Variants in PCDHA3 observed in about 807,000 individuals in gnomAD.
The protein encoded by PCDHA3 is protocadherin alpha 3.
A neutral mutation model predicts 62.2 loss-of-function variants in PCDHA3; 41 were observed. The observed-to-expected ratio is 0.66, with a 90% CI of 0.51 to 0.86. The LOEUF is 0.86. PCDHA3 is among the 40% of genes least tolerant of loss of function. PCDHA3 has a pLI of 0.00. For synonymous variants in PCDHA3, 640 were observed against 555.4 expected, an observed-to-expected ratio of 1.15 and a Z score of -2.14; for missense variants, 1,304 against 1,241.2, an observed-to-expected ratio of 1.05 and a Z score of -0.76.
At chr5:140,961,548 T>G (rs2095620507) in intron 1 of PCDHA3, among the ~76,000 whole-genome samples, 2 of 152,230 alleles carry the variant, frequency 1.3e-5, no homozygotes, top group Non-Finnish European at 2.9e-5. Flanking sequence ...CCTGCAGCAT[T>G]TCTTTTTTTA....
Position 140,801,127 on chromosome 5 carries a change from A to T in PCDHA3, c.-71A>T. The stretch of plus-strand genomic sequence containing the variant: ...ACACCGAGGAGTTTAAGAAATGAAG[A>T]TAAGGAACTCGAATTATTTTTAAAC... On this transcript the variant is annotated 5_prime_UTR_variant, in exon 1 of 4. Transcript: ENST00000522353. 1 of 1,520,548 alleles carries T rather than the reference A, an allele frequency of 6.6e-7. No individual in the cohort carries two copies. Among genetic ancestry groups the T allele is most frequent in the Non-Finnish European group, 8.8e-7 (1 of 1,138,562 alleles). 94.2% of individuals were successfully genotyped at this position (1,520,548 alleles called of 1,614,324 possible). A position where few individuals can be genotyped will look rare whatever the true frequency, so the allele number is the denominator to read the frequency against.
At chr5:140,966,470 T>G (rs782674249) in intron 1 of PCDHA3, 26 of 431,180 alleles carry the variant, frequency 6.0e-5, no homozygotes, top group Non-Finnish European at 9.3e-5. Context: ...TCTTCCCTTC[T>G]GTTTCCTTTT....
Position 140,814,823 on chromosome 5 carries a change from A to G in PCDHA3, c.2394+11232A>G, listed in dbSNP as rs1363688446. 2.0e-5 allele frequency: 3 copies of G among 152,176 alleles called. No individual in the cohort carries two copies. In the East Asian group the frequency reaches 5.8e-4, roughly 29 times the overall value. 9.4% of individuals were successfully genotyped at this position (152,176 alleles called of 1,614,324 possible). On this transcript the variant is annotated intron_variant, in intron 1 of 3. Coordinates refer to ENST00000522353, the MANE Select transcript of PCDHA3 (RefSeq NM_018906.3). ...ACTTGACTTTATTGTATTGCTATCT[A>G]TTTCTCCATTTCTGTGAATGTTTGC...
At chr5:140,849,237 A>G (rs1450217299) in intron 1 of PCDHA3, 1 of 1,052,122 alleles carries the variant, frequency 9.5e-7, no homozygotes, top group Non-Finnish European at 1.3e-6. Flanking sequence ...AACCCTGTAT[A>G]CGGTGAAATT....
chr5:140,887,222 G>A (rs1406254180), intron 1 of PCDHA3, among the ~76,000 whole-genome samples: 1 of 151,284 alleles, frequency 6.6e-6, no homozygotes, highest in Non-Finnish European at 1.5e-5. Flanking sequence ...TCAGCCTCCC[G>A]AGTAGCTGAG....
chr5:141,009,580 G>A (rs1554262213), intron 3 of PCDHA3, 47 bp from the exon 4 acceptor site: 1 of 1,588,170 alleles, frequency 6.3e-7, no homozygotes, highest in South Asian at 1.2e-5. Flanking sequence ...GTGGCATCAA[G>A]AGCATGTGTT....
At chr5:140,877,334 C>T (rs375199455) in intron 1 of PCDHA3, 1 of 1,614,002 alleles carries the variant, frequency 6.2e-7, no homozygotes, top group Non-Finnish European at 8.5e-7. Flanking sequence ...GCGCACATCC[C>T]GTTCCACGTG....
chr5:141,005,701 CAAAAAAAAAAAAAAAA>C (rs59860837), intron 3 of PCDHA3, among the ~76,000 whole-genome samples: 5 of 7,786 alleles, frequency 6.4e-4, no homozygotes, highest in African/African-American at 1.9e-3. Context: ...AACTCCGTCT[CAAAAAAAAAAAAAAAA>C]AAAAAAAAAA....
intron 1 of PCDHA3, among the ~76,000 whole-genome samples, chr5:140,904,057 G>T (rs1043471579): frequency 6.6e-6 from 1 of 151,986 alleles, no homozygotes; most frequent in Non-Finnish European, 1.5e-5. Context: ...ATTTCAATGG[G>T]TTTTTGGGGA....
chr5:140,823,689 G>T, intron 1 of PCDHA3: 4 of 1,613,998 alleles, frequency 2.5e-6, no homozygotes, highest in Non-Finnish European at 3.4e-6. Context: ...CTCTGGATGA[G>T]ACCGAAGCAC....
intron 1 of PCDHA3, among the ~76,000 whole-genome samples, chr5:140,972,686 AT>A (rs2096549556): frequency 8.3e-6 from 1 of 120,944 alleles, no homozygotes; most frequent in African/African-American, 3.2e-5. Context: ...TTTTTTTGAG[AT>A]GGAGTCTCAC....
At chr5:140,945,628 A>G (rs898111170) in intron 1 of PCDHA3, among the ~76,000 whole-genome samples, 1 of 152,168 alleles carries the variant, frequency 6.6e-6, no homozygotes, top group Non-Finnish European at 1.5e-5. Flanking sequence ...TACTGGCATA[A>G]AAGACATGTA....
intron 1 of PCDHA3, chr5:140,871,327 C>T (rs782093100): frequency 6.2e-6 from 10 of 1,613,984 alleles, no homozygotes; most frequent in East Asian, 4.5e-5. Context: ...GGTGTGCTCC[C>T]GCGCGGTGGG....
intron 1 of PCDHA3, among the ~76,000 whole-genome samples, chr5:140,921,032 T>A (rs6887800): frequency 0.023 from 3,565 of 152,036 alleles, 50 homozygotes; most frequent in Middle Eastern, 0.034. Context: ...TAGACTGGGG[T>A]GCAGTGGGGC....
chr5:140,822,952 C>T, intron 1 of PCDHA3: 1 of 1,614,248 alleles, frequency 6.2e-7, no homozygotes, highest in Non-Finnish European at 8.5e-7. Context: ...GCCCCACGTT[C>T]CCTTCAAGCT....
At chr5:140,902,442 T>G (rs1182491503) in intron 1 of PCDHA3, among the ~76,000 whole-genome samples, 1 of 152,166 alleles carries the variant, frequency 6.6e-6, no homozygotes, top group Non-Finnish European at 1.5e-5. Flanking sequence ...CCTTGTCATA[T>G]TCTAGATCCT....
chr5:140,861,442 G>A (rs251368), intron 1 of PCDHA3: 2 of 490,042 alleles, frequency 4.1e-6, no homozygotes, highest in African/African-American at 3.9e-5. Flanking sequence ...TCCAAAAGCC[G>A]CAGAAACCTT....
chr5:140,809,311 C>T, intron 1 of PCDHA3: 1 of 1,614,122 alleles, frequency 6.2e-7, no homozygotes, highest in Non-Finnish European at 8.5e-7. Context: ...GCGCGGTGTC[C>T]AGCCTTTTGG....
At chr5:140,952,768 AT>A (rs1554220610) in intron 1 of PCDHA3, among the ~76,000 whole-genome samples, 1 of 152,180 alleles carries the variant, frequency 6.6e-6, no homozygotes, top group African/African-American at 2.4e-5. Context: ...AGACTGGATA[AT>A]TTAGAAAGAA....
Sources: gnomAD v4.1 joint callset for allele counts (sites outside exome capture counted in the v4.1 genomes callset) on GRCh38, gnomAD v4.1.1 for gene constraint, MANE v1.5 for transcripts, NCBI Gene and HGNC (gene_info 2026-07-23, HGNC 2026-07-21) for gene names.